Variants in CIZ1 observed in about 807,000 individuals in gnomAD.
The protein encoded by CIZ1 is cip1-interacting zinc finger protein.
Under a neutral mutation model 118.6 loss-of-function variants are expected in CIZ1, and 58 were observed. The observed-to-expected ratio is 0.49, with a 90% confidence interval of 0.40 to 0.61. The LOEUF (loss-of-function observed/expected upper bound fraction) is 0.61. Ranked by LOEUF, CIZ1 falls within the 20% of genes least tolerant of loss-of-function variation. CIZ1 has a pLI of 0.00. For missense variants in CIZ1, 921 were observed against 1,115.9 expected, an observed-to-expected ratio of 0.83 and a Z score of 2.49; for synonymous variants, 448 against 443.4, an observed-to-expected ratio of 1.01 and a Z score of -0.13.
In CIZ1 at chr9:128,179,422, A is replaced by G. The variant is rs756196470; in HGVS notation, c.792-7T>C. On this transcript the variant is annotated splice_region_variant and splice_polypyrimidine_tract_variant and intron_variant, in intron 7 of 16. Coordinates refer to ENST00000372938, the MANE Select transcript of CIZ1 (RefSeq NM_001131016.2). The stretch of plus-strand genomic sequence containing the variant: ...CTCTGTGGGCTCTTCTGAGCTAGGA[A>G]GGATCAAAAAAAAATCCCAGTCATG... 19 of 1,559,344 alleles carry G rather than the reference A, an allele frequency of 1.2e-5. No individual in the cohort carries two copies. The highest frequency in any genetic ancestry group is 1.0e-5 in the Non-Finnish European group (12 of 1,157,212).
intron 14 of CIZ1, 126 bp downstream of exon 14, chr9:128,168,926 C>A: frequency 7.7e-7 from 1 of 1,295,396 alleles, no homozygotes; most frequent in Non-Finnish European, 1.1e-6. Flanking sequence ...TGACAGTAAT[C>A]AGTTGTGGCA....
intron 1 of CIZ1, chr9:128,198,215 A>G (rs1425458730): frequency 2.0e-5 from 3 of 152,364 alleles, no homozygotes; most frequent in African/African-American, 7.2e-5. Flanking sequence ...ACTCTGCCCC[A>G]GGCTGTGCCA....
At position 128,190,784 on chromosome 9, in the gene CIZ1, A is replaced by AGCT. The variant is rs1564301323; in HGVS notation, c.71_73dup (p.Gln24dup). On this transcript the variant is annotated inframe_insertion, in exon 2 of 17. Coordinates refer to ENST00000372938, the MANE Select transcript of CIZ1 (RefSeq NM_001131016.2). The stretch of plus-strand genomic sequence containing the variant: ...CTGCTGCTGCAATTGCTGCTGCTGG[A>AGCT]GCTGCTGCTGCTGTAACTGCTGGAG... The AGCT allele has an allele frequency of 1.9e-6, 3 of 1,540,758 alleles. No homozygotes were observed. The highest frequency in any genetic ancestry group is 2.4e-5 in the South Asian group (2 of 83,876).
chr9:128,200,257 T>C (rs1833479812), intron 1 of CIZ1: 1 of 152,124 alleles, frequency 6.6e-6, no homozygotes, highest in South Asian at 2.1e-4. Context: ...ATCCCTAAGC[T>C]ATAGTGGTTA....
chr9:128,178,432 C>G lies in CIZ1; in HGVS notation c.1557G>C (p.Gln519His), dbSNP rs1186987574. ...CATCTAGGCCACAGGCCGACTCATT[C>G]TGAATCTCTTCCATGCTGACTTGGG... ...VGTQVSMEEI[Q>H]NESACGLDVG... The change falls in exon 9 of 17, where the codon CAG becomes CAC. Residue 519 changes from glutamine to histidine, a missense_variant. Gln to His is a conservative substitution (Grantham distance 24, BLOSUM62 0). Transcript: ENST00000372938. The G allele has an allele frequency of 6.2e-7, 1 of 1,614,118 alleles. No individual in the cohort carries two copies. The highest frequency in any genetic ancestry group is 1.1e-5 in the South Asian group (1 of 91,078).
rs1321311803 is a variant in CIZ1, at chr9:128,173,952, G to A, written c.1943+2399C>T. Among the ~76,000 whole-genome samples, 4 of 152,112 alleles carry A rather than the reference G, an allele frequency of 2.6e-5. No homozygotes were observed. In the East Asian group the frequency reaches 7.8e-4, roughly 30 times the overall value. On this transcript the variant is annotated intron_variant, in intron 11 of 16. Transcript: ENST00000372938. Reference sequence around the variant, plus strand: ...ACCCAGGAGGCGGAGCTTGCAGTGAGCCGAGATCGCGCCACTGCACTCCAG... The same window carrying A: ...ACCCAGGAGGCGGAGCTTGCAGTGAACCGAGATCGCGCCACTGCACTCCAG...
intron 9 of CIZ1, 129 bp downstream of exon 9, chr9:128,178,240 A>G: frequency 8.7e-7 from 1 of 1,144,648 alleles, no homozygotes; most frequent in Non-Finnish European, 1.2e-6. Context: ...TCCTAGGCAG[A>G]GGGCTGTCAT....
In CIZ1 at chr9:128,178,805, G is replaced by T; in HGVS notation, c.1402C>A (p.Gln468Lys). 6.2e-7 allele frequency: 1 copy of T among 1,614,268 alleles called. No individual in the cohort carries two copies. Among genetic ancestry groups the T allele is most frequent in the Non-Finnish European group, 8.5e-7 (1 of 1,180,040 alleles). ...PEQTHEQPHT[Q>K]PQVSLLAPEQ... is the part of the protein sequence containing the mutation. ...GGAGCCAGCAACGACACCTGCGGCT[G>T]GGTGTGAGGCTGCTCATGGGTCTGC... Residue 468 changes from glutamine (Q) to lysine (K), a missense_variant, in exon 8 of 17, where the codon CAG (glutamine) becomes AAG (lysine). Gln to Lys is a moderately conservative substitution (Grantham distance 53). Transcript: ENST00000372938.
intron 5 of CIZ1, among the ~76,000 whole-genome samples, chr9:128,181,154 G>T (rs1032710202): frequency 6.6e-6 from 1 of 151,694 alleles, no homozygotes; most frequent in Admixed American, 6.6e-5. Context: ...TCAGTCTTGT[G>T]GCCTAGGCTG....
At position 128,177,546 on chromosome 9, in the gene CIZ1, C is replaced by CAAAAAACAG; in HGVS notation, c.1818+19_1818+20insCTGTTTTTT. Reference sequence around the variant, plus strand: ...CACGCAGGCCCCACCCCTCCCCACCCTTATCTCCTGTATCAGTACCTGCTG... The same window carrying CAAAAAACAG: ...CACGCAGGCCCCACCCCTCCCCACCCAAAAAACAGTTATCTCCTGTATCAGTACCTGCTG... On this transcript the variant is annotated intron_variant, in intron 10 of 16. Transcript: ENST00000372938. 1.5e-6 allele frequency: 2 copies of CAAAAAACAG among 1,353,438 alleles called. No individual in the cohort carries two copies. Among genetic ancestry groups the CAAAAAACAG allele is most frequent in the Non-Finnish European group, 9.9e-7 (1 of 1,013,736 alleles). 83.8% of individuals were successfully genotyped at this position (1,353,438 alleles called of 1,614,324 possible).
chr9:128,182,729 G>A (rs1280366576), intron 5 of CIZ1, among the ~76,000 whole-genome samples: 1 of 151,808 alleles, frequency 6.6e-6, no homozygotes, highest in Non-Finnish European at 1.5e-5. Context: ...CTTGCAGGAA[G>A]CCCTCCAGAC....
intron 7 of CIZ1, 52 bp downstream of exon 7, chr9:128,180,363 G>T: frequency 1.5e-6 from 2 of 1,370,364 alleles, no homozygotes; most frequent in South Asian, 1.2e-5. Context: ...GCCTTTGCAG[G>T]AATGAGAGCA....
In CIZ1 at chr9:128,166,622, C is replaced by T; in HGVS notation, c.2487+137G>A. 1.7e-6 allele frequency: 2 copies of T among 1,202,222 alleles called. No homozygotes were observed. The highest frequency in any genetic ancestry group is 2.4e-6 in the Non-Finnish European group (2 of 835,752). The allele number at this position is 1,202,222 out of a possible 1,614,324, so 74.5% of individuals were successfully genotyped here. A position where few individuals can be genotyped will look rare whatever the true frequency, so the allele number is the denominator to read the frequency against. ...GCCCAACCCCACCCCAGCTCTAATT[C>T]TCTCCCTGTTGGTGCAGGGGTGGTG... is the stretch of plus-strand genomic sequence containing the variant. On this transcript the variant is annotated intron_variant, in intron 16 of 16. Transcript: ENST00000372938. This position sits in a 1 kb window ranked among gnomAD's most constrained non-coding sequence, Gnocchi z 4.4.
At chr9:128,170,196 T>A in intron 11 of CIZ1, 89 bp from the exon 12 acceptor site, 1 of 1,075,568 alleles carries the variant, frequency 9.3e-7, no homozygotes, top group Non-Finnish European at 1.4e-6. Flanking sequence ...TCCATTCCAA[T>A]AGCAACTCCC....
In CIZ1 at chr9:128,166,548, G is replaced by A. The variant is rs45542735; in HGVS notation, c.2488-142C>T. On this transcript the variant is annotated intron_variant, in intron 16 of 16. Transcript: ENST00000372938. The surrounding 1 kb of genome is among the most constrained non-coding windows in gnomAD (Gnocchi z 4.4). ...GTGATGCACTCGGCCTCTCTGGGCC[G>A]TCTCTGGAGCTAACAGCCTGGCACT... The A allele has an allele frequency of 1.6e-3, 1,500 of 938,624 alleles. 28 individuals are homozygous for A. The East Asian group carries it at 0.034, about 22-fold the overall frequency. The allele number at this position is 938,624 out of a possible 1,614,324, so 58.1% of individuals were successfully genotyped here.
intron 12 of CIZ1, chr9:128,169,813 G>A: frequency 2.6e-6 from 3 of 1,172,776 alleles, no homozygotes; most frequent in Non-Finnish European, 3.7e-6. Context: ...TGAATGGCAG[G>A]TGAGATGGGG....
chr9:128,185,827 G>A (rs1832296400), intron 4 of CIZ1, 51 bp from the exon 5 acceptor site: 1 of 1,308,462 alleles, frequency 7.6e-7, no homozygotes, highest in Admixed American at 1.8e-5. Flanking sequence ...TCGGGTGGCA[G>A]AAGGTAGGGT....
chr9:128,173,262 A>G (rs1830378653), intron 11 of CIZ1, among the ~76,000 whole-genome samples: 1 of 146,486 alleles, frequency 6.8e-6, no homozygotes, highest in Non-Finnish European at 1.5e-5. Context: ...CTCCTGCCTC[A>G]GCCTCCCAAG....
intron 6 of CIZ1, 95 bp downstream of exon 6, chr9:128,180,626 C>T: frequency 7.4e-7 from 1 of 1,353,198 alleles, no homozygotes. Context: ...CCAAGAACCC[C>T]TGCCTCCCAC....
Sources: allele counts gnomAD v4.1 joint callset (sites outside exome capture counted in the v4.1 genomes callset), GRCh38; gene constraint gnomAD v4.1.1; non-coding constraint Gnocchi (gnomAD v3.1); transcripts MANE v1.5; gene names NCBI Gene and HGNC (gene_info 2026-07-23, HGNC 2026-07-21).